ZNF274: variants seen among roughly 807,000 people sequenced by gnomAD.
ZNF274 encodes the protein neurotrophin receptor-interacting factor homolog.
Under a neutral mutation model 42.5 loss-of-function variants are expected in ZNF274, and 23 were observed. That is an observed-to-expected ratio of 0.54 (90% CI 0.39 to 0.77). The LOEUF (loss-of-function observed/expected upper bound fraction) is 0.77. ZNF274 is among the 30% of genes least tolerant of loss of function. ZNF274 has a pLI of 0.00. For synonymous variants in ZNF274, 292 were observed against 305.4 expected (o/e 0.96, Z 0.46); for missense variants, 679 against 806.5 (o/e 0.84, Z 1.91).
Position 58,183,995 on chromosome 19 carries a change from C to G in ZNF274, c.30C>G (p.Ser10=). 1 of 1,593,890 alleles carries G rather than the reference C, an allele frequency of 6.3e-7. No individual in the cohort carries two copies. Among genetic ancestry groups the G allele is most frequent in the South Asian group, 1.1e-5 (1 of 87,792 alleles). The change falls in exon 2 of 8, where the codon TCC becomes TCG. Residue 10 remains serine, a synonymous_variant. Coordinates refer to ENST00000617501, the MANE Select transcript of ZNF274 (RefSeq NM_133502.3). MASRLPTAW[S]CEPVTFEDVT... ...CCTCCAGGCTTCCGACGGCCTGGTC[C>G]TGTGTGAGTAGAGGCTTCCTTCAGC...
chr19:58,184,575 AG>A (rs1350596453), intron 2 of ZNF274: 6 of 153,742 alleles, frequency 3.9e-5, no homozygotes, highest in African/African-American at 1.4e-4. Flanking sequence ...GGCCTCCCAA[AG>A]GTCTATGCAG....
chr19:58,203,239 C>T (rs539487318), intron 4 of ZNF274, among the ~76,000 whole-genome samples: 1 of 152,192 alleles, frequency 6.6e-6, no homozygotes, highest in East Asian at 1.9e-4. Context: ...GCTGCTGGGC[C>T]TCCAGTAAAT....
At chr19:58,185,559 G>A in intron 2 of ZNF274, 153 bp from the exon 3 acceptor site, 1 of 741,144 alleles carries the variant, frequency 1.3e-6, no homozygotes, top group African/African-American at 1.8e-5. Flanking sequence ...TGGGGTTTCA[G>A]ACAAAGACAG....
intron 4 of ZNF274, among the ~76,000 whole-genome samples, chr19:58,204,278 G>T (rs1480692270): frequency 1.3e-5 from 2 of 152,160 alleles, no homozygotes; most frequent in African/African-American, 4.8e-5. Flanking sequence ...CCGGAAGCCC[G>T]TGTCTCGGAG....
In ZNF274 at chr19:58,212,435, G is replaced by T. The variant is rs371303930; in HGVS notation, c.1254G>T (p.Ser418=). 4.9e-5 allele frequency: 79 copies of T among 1,612,782 alleles called. No homozygotes were observed. The African/African-American group carries it at 9.4e-4, about 19-fold the overall frequency. Reference sequence around the variant, plus strand: ...GTGCTCTTGACACAAACCAAGTTTCGCTCCAGAAAATTGACAACCCTGAGT... The same window carrying T: ...GTGCTCTTGACACAAACCAAGTTTCTCTCCAGAAAATTGACAACCCTGAGT... ...NSGALDTNQV[S]LQKIDNPESQ... The change falls in exon 8 of 8, where the codon TCG becomes TCT. Residue 418 remains serine (S), a synonymous_variant. Coordinates refer to ENST00000617501, the MANE Select transcript of ZNF274 (RefSeq NM_133502.3). This position sits in a 1 kb window ranked among gnomAD's most constrained non-coding sequence, Gnocchi z 4.6.
intron 2 of ZNF274, chr19:58,184,215 G>A: frequency 1.8e-6 from 1 of 566,110 alleles, no homozygotes; most frequent in Non-Finnish European, 3.1e-6. Context: ...AGATTGTAGG[G>A]GCTTCTGAAG....
rs1216113548 is a variant in ZNF274, at chr19:58,188,617, AAAAATATAT to A, written c.256+1577_256+1585del. ...TGAGACTCCATCTCAAAAAAAAAAA[AAAAATATAT>A]ATATATATATATATATATATGTAAA... On this transcript the variant is annotated intron_variant, in intron 4 of 7. Coordinates refer to ENST00000617501, the MANE Select transcript of ZNF274 (RefSeq NM_133502.3). Among the ~76,000 whole-genome samples, 71 of 58,178 alleles carry A rather than the reference AAAAATATAT, an allele frequency of 1.2e-3. 1 individual carries two copies. Among genetic ancestry groups the A allele is most frequent in the Admixed American group, 4.0e-3 (18 of 4,478 alleles). The allele number at this position is 58,178 out of a possible 152,430, so 38.2% of individuals were successfully genotyped here. A position where few individuals can be genotyped will look rare whatever the true frequency, so the allele number is the denominator to read the frequency against.
chr19:58,198,635 G>A (rs2075871912), intron 4 of ZNF274, among the ~76,000 whole-genome samples: 1 of 152,076 alleles, frequency 6.6e-6, no homozygotes, highest in Non-Finnish European at 1.5e-5. Context: ...ATATGGAAAT[G>A]GTAGCTCCTT....
chr19:58,209,992 C>A lies in ZNF274; in HGVS notation c.771C>A (p.Thr257=). 6.2e-7 allele frequency: 1 copy of A among 1,613,530 alleles called. No homozygotes were observed. Among genetic ancestry groups the A allele is most frequent in the South Asian group, 1.1e-5 (1 of 91,046 alleles). The change falls in exon 6 of 8, where the codon ACC becomes ACA. Residue 257 remains threonine, a synonymous_variant. Coordinates refer to ENST00000617501, the MANE Select transcript of ZNF274 (RefSeq NM_133502.3). ...CTGCAGGACAACCTGCCGAGGGCAC[C>A]ACCTGCTGCCTCGAGGTCACTGCCC... The part of the protein sequence containing the change: ...VLPAGQPAEG[T]TCCLEVTAQQ...
rs890040666 is a variant in ZNF274 at position 58,211,415 on chromosome 19, G to A, written c.853-145G>A. On this transcript the variant is annotated intron_variant, in intron 6 of 7. Transcript: ENST00000617501. This position sits in a 1 kb window ranked among gnomAD's most constrained non-coding sequence, Gnocchi z 4.8. ...CCAGTAGAACTCTTGTGGGCCCTGGGTTGGTGTCTCTGAGCAAATCCCCAA... is the reference window on the plus strand; with the variant it reads ...CCAGTAGAACTCTTGTGGGCCCTGGATTGGTGTCTCTGAGCAAATCCCCAA... The A allele has an allele frequency of 9.4e-7, 1 of 1,069,432 alleles. No individual in the cohort carries two copies. The allele number at this position is 1,069,432 out of a possible 1,614,324, so 66.2% of individuals were successfully genotyped here.
chr19:58,185,495 C>T (rs2146187810), intron 2 of ZNF274: 1 of 304,532 alleles, frequency 3.3e-6, no homozygotes, highest in East Asian at 5.4e-5. Flanking sequence ...CTACAGAGAT[C>T]TCATGTGTTG....
chr19:58,188,676 G>GTGTATATATATGTATATT (rs1555816861), intron 4 of ZNF274, among the ~76,000 whole-genome samples: 1 of 79,772 alleles, frequency 1.3e-5, no homozygotes, highest in Non-Finnish European at 2.5e-5. Flanking sequence ...GTGTGTGTGT[G>GTGTATATATATGTATATT]TATATATATA....
chr19:58,188,059 C>T (rs1436171292), intron 4 of ZNF274, among the ~76,000 whole-genome samples: 2 of 152,176 alleles, frequency 1.3e-5, no homozygotes, highest in African/African-American at 4.8e-5. Flanking sequence ...GTGTGGTCCA[C>T]ATTTGATTTT....
Position 58,211,741 on chromosome 19 carries a change from C to G in ZNF274, c.979+55C>G. 6.4e-7 allele frequency: 1 copy of G among 1,570,190 alleles called. No homozygotes were observed. ...CAGGGCTGGTAGGCCACAGGAGCCC[C>G]AAGTCAGGGGTGTTCACCTTCTCTA... On this transcript the variant is annotated intron_variant, in intron 7 of 7. Coordinates refer to ENST00000617501, the MANE Select transcript of ZNF274 (RefSeq NM_133502.3). This position sits in a 1 kb window ranked among gnomAD's most constrained non-coding sequence, Gnocchi z 4.8.
chr19:58,201,974 T>C (rs750522426), intron 4 of ZNF274, among the ~76,000 whole-genome samples: 3 of 152,142 alleles, frequency 2.0e-5, no homozygotes, highest in Non-Finnish European at 4.4e-5. Context: ...AAGTCCCAGT[T>C]GGCAGCCTCA....
chr19:58,199,000 T>C (rs113266981), intron 4 of ZNF274, among the ~76,000 whole-genome samples: 2,871 of 151,886 alleles, frequency 0.019, 89 homozygotes, highest in Admixed American at 0.069. Flanking sequence ...AGCATAGCAA[T>C]TCCTGGTCTC....
At chr19:58,203,804 G>A (rs963932585) in intron 4 of ZNF274, among the ~76,000 whole-genome samples, 1 of 152,184 alleles carries the variant, frequency 6.6e-6, no homozygotes, top group Non-Finnish European at 1.5e-5. Context: ...TTGGAATTAG[G>A]TGCACAAGTG....
At chr19:58,204,996 T>C (rs7248512) in intron 4 of ZNF274, among the ~76,000 whole-genome samples, 66,499 of 151,998 alleles carry the variant, frequency 0.44, 15,228 homozygotes, top group Middle Eastern at 0.55. Context: ...AAAGGGTATA[T>C]TGGCAGTCAT....
rs544588754 is a variant in ZNF274, at chr19:58,207,274, C to T, written c.739+72C>T. The T allele has an allele frequency of 3.3e-6, 5 of 1,498,976 alleles. No individual in the cohort carries two copies. The Admixed American group carries it at 1.2e-4, about 35-fold the overall frequency. 92.9% of individuals were successfully genotyped at this position (1,498,976 alleles called of 1,614,324 possible). On this transcript the variant is annotated intron_variant, in intron 5 of 7. Coordinates refer to ENST00000617501, the MANE Select transcript of ZNF274 (RefSeq NM_133502.3). This position sits in a 1 kb window ranked among gnomAD's most constrained non-coding sequence, Gnocchi z 5.6. Reference sequence around the variant, plus strand: ...GAGTACCCTGTGGGGGAGATAAGAACTCCAGGCTTCCTAGGAAGGTCATGG... The same window carrying T: ...GAGTACCCTGTGGGGGAGATAAGAATTCCAGGCTTCCTAGGAAGGTCATGG...
Sources: gnomAD v4.1 joint callset for allele counts (sites outside exome capture counted in the v4.1 genomes callset) on GRCh38, gnomAD v4.1.1 for gene constraint, Gnocchi (gnomAD v3.1) non-coding constraint, MANE v1.5 for transcripts, NCBI Gene and HGNC (gene_info 2026-07-23, HGNC 2026-07-21) for gene names.